Variants in CACNB2 observed in about 807,000 individuals in gnomAD.
The protein encoded by CACNB2 is calcium voltage-gated channel auxiliary subunit beta 2.
A neutral mutation model predicts 73.3 loss-of-function variants in CACNB2; 42 were observed. That is an observed-to-expected ratio of 0.57 (90% CI 0.45 to 0.74). CACNB2 has a LOEUF of 0.74. Among genes scored for constraint, CACNB2 ranks in the 30% least tolerant of loss-of-function variants. The pLI is 0.00. For missense variants in CACNB2, 940 were observed against 853.0 expected (o/e 1.10, Z -1.27); for synonymous variants, 348 against 310.3 (o/e 1.12, Z -1.28).
intron 7 of CACNB2, among the ~76,000 whole-genome samples, chr10:18,515,197 C>T (rs2051155735): frequency 6.6e-6 from 1 of 152,210 alleles, no homozygotes; most frequent in South Asian, 2.1e-4. Context: ...AGCGAGGCTC[C>T]TTGTCCCCTA....
chr10:18,170,012 C>T (rs1318576455), intron 2 of CACNB2, among the ~76,000 whole-genome samples: 3 of 152,204 alleles, frequency 2.0e-5, no homozygotes, highest in Non-Finnish European at 4.4e-5. Context: ...CAAGATGGCT[C>T]CCAACAGCTT....
intron 11 of CACNB2, among the ~76,000 whole-genome samples, chr10:18,534,655 A>G (rs1165393969): frequency 6.6e-6 from 1 of 152,240 alleles, no homozygotes; most frequent in Non-Finnish European, 1.5e-5. Flanking sequence ...GGGGAAAAAA[A>G]GCCAATTTCA....
chr10:18,255,550 GTTTTACTTGTCGTTT>G (rs1277644170), intron 2 of CACNB2, among the ~76,000 whole-genome samples: 1 of 152,176 alleles, frequency 6.6e-6, no homozygotes, highest in African/African-American at 2.4e-5. Context: ...GACATTGGTT[GTTTTACTTGTCGTTT>G]TCCTACTGGT....
chr10:18,249,578 C>T (rs754608590), intron 2 of CACNB2, among the ~76,000 whole-genome samples: 4 of 152,168 alleles, frequency 2.6e-5, no homozygotes, highest in Non-Finnish European at 5.9e-5. Context: ...GAGATGCTAT[C>T]ATCAGTGGCC....
intron 2 of CACNB2, among the ~76,000 whole-genome samples, chr10:18,187,236 G>A (rs188393160): frequency 9.2e-4 from 140 of 152,278 alleles, no homozygotes; most frequent in Non-Finnish European, 1.4e-3. Context: ...AGAACCTACC[G>A]TGGGGATGGC....
chr10:18,529,446 A>G (rs570155219), intron 10 of CACNB2, among the ~76,000 whole-genome samples: 76 of 152,224 alleles, frequency 5.0e-4, no homozygotes, highest in Non-Finnish European at 8.8e-4. Context: ...GGTGATGAGC[A>G]AAGTGGTCGA....
intron 2 of CACNB2, among the ~76,000 whole-genome samples, chr10:18,284,468 A>AG (rs1340999975): frequency 4.6e-5 from 7 of 152,336 alleles, no homozygotes; most frequent in African/African-American, 1.7e-4. Context: ...GATTTGCTAA[A>AG]GTATCCTTGA....
At position 18,419,878 on chromosome 10, in the gene CACNB2, T is replaced by C. The variant is rs1308743273; in HGVS notation, c.333+17835T>C. On this transcript the variant is annotated intron_variant, in intron 3 of 13. Coordinates refer to ENST00000324631, the MANE Select transcript of CACNB2 (RefSeq NM_201596.3). ...GTATTGTTATTTTCCTATGTTAATA[T>C]TGATTTCAGCAAGAATTTAGGAATG... 2.0e-5 allele frequency among the ~76,000 whole-genome samples: 3 copies of C among 152,330 alleles called. No homozygotes were observed. In the East Asian group the frequency reaches 5.8e-4, roughly 29 times the overall value.
chr10:18,450,843 G>A (rs2046988175), intron 3 of CACNB2, among the ~76,000 whole-genome samples: 2 of 152,024 alleles, frequency 1.3e-5, no homozygotes, highest in Non-Finnish European at 2.9e-5. Context: ...CACCATGTTG[G>A]CCAGGCTGGT....
At chr10:18,388,929 A>C (rs1385056348) in intron 2 of CACNB2, among the ~76,000 whole-genome samples, 3 of 152,164 alleles carry the variant, frequency 2.0e-5, no homozygotes, top group African/African-American at 7.2e-5. Flanking sequence ...CCCCATATGC[A>C]AACAACTACG....
intron 2 of CACNB2, among the ~76,000 whole-genome samples, chr10:18,384,516 A>G (rs1461758362): frequency 1.3e-5 from 2 of 152,048 alleles, no homozygotes; most frequent in Non-Finnish European, 2.9e-5. Context: ...GCTTGAGCTC[A>G]GGACTTCGAG....
At chr10:18,253,410 A>G (rs17681709) in intron 2 of CACNB2, among the ~76,000 whole-genome samples, 18,688 of 152,176 alleles carry the variant, frequency 0.12, 1,407 homozygotes, top group Non-Finnish European at 0.17. Flanking sequence ...GGAGTATTTT[A>G]TGGCAACTTC....
chr10:18,274,453 C>T (rs1231472226), intron 2 of CACNB2, among the ~76,000 whole-genome samples: 1 of 152,150 alleles, frequency 6.6e-6, no homozygotes, highest in Non-Finnish European at 1.5e-5. Context: ...GACAGAAAGA[C>T]CCTAGAATTT....
At chr10:18,153,247 C>T (rs772119214) in intron 2 of CACNB2, among the ~76,000 whole-genome samples, 8 of 152,014 alleles carry the variant, frequency 5.3e-5, no homozygotes, top group Admixed American at 1.3e-4. Flanking sequence ...CCTAGAATAT[C>T]AATAGGACGA....
intron 9 of CACNB2, 51 bp from the exon 10 acceptor site, chr10:18,527,536 CT>C: frequency 8.5e-7 from 1 of 1,181,742 alleles, no homozygotes; most frequent in East Asian, 2.3e-5. Flanking sequence ...CTTCTATCCC[CT>C]TTGATTAGAC....
intron 2 of CACNB2, among the ~76,000 whole-genome samples, chr10:18,314,937 T>C (rs1023144388): frequency 6.6e-6 from 1 of 152,182 alleles, no homozygotes; most frequent in Non-Finnish European, 1.5e-5. Flanking sequence ...TAGTGGTGTT[T>C]CATTTCTTTT....
chr10:18,424,368 G>A (rs951180804), intron 3 of CACNB2, among the ~76,000 whole-genome samples: 4 of 152,198 alleles, frequency 2.6e-5, no homozygotes, highest in Admixed American at 1.3e-4. Context: ...AGATTAAGGG[G>A]CTATTCGTGC....
intron 3 of CACNB2, among the ~76,000 whole-genome samples, chr10:18,481,847 C>A (rs920759277): frequency 6.6e-6 from 1 of 152,164 alleles, no homozygotes; most frequent in Admixed American, 6.5e-5. Context: ...ACAGCCATTA[C>A]AACTGACATG....
chr10:18,283,384 A>C (rs1242335083), intron 2 of CACNB2, among the ~76,000 whole-genome samples: 1 of 152,184 alleles, frequency 6.6e-6, no homozygotes, highest in African/African-American at 2.4e-5. Context: ...TATTTATTGC[A>C]GCACTATTCA....
Sources: allele counts gnomAD v4.1 joint callset (sites outside exome capture counted in the v4.1 genomes callset), GRCh38; gene constraint gnomAD v4.1.1; transcripts MANE v1.5; gene names NCBI Gene and HGNC (gene_info 2026-07-23, HGNC 2026-07-21).